BLMH: variants seen among roughly 807,000 people sequenced by gnomAD.
BLMH encodes BLM hydrolase.
In BLMH, 32 loss-of-function variants were observed where a neutral mutation model predicts 61.6. The observed-to-expected ratio is 0.52, with a 90% CI of 0.39 to 0.70. The LOEUF is 0.70. Ranked by LOEUF, BLMH falls within the 30% of genes least tolerant of loss-of-function variation. The pLI, the probability that BLMH is intolerant of heterozygous loss-of-function variation, is 0.00. For missense variants in BLMH, 460 were observed against 555.5 expected, an observed-to-expected ratio of 0.83 and a Z score of 1.73; for synonymous variants, 183 against 193.8, an observed-to-expected ratio of 0.94 and a Z score of 0.46.
chr17:30,287,873 C>T lies in BLMH; in HGVS notation c.396G>A (p.Leu132=). 1 of 1,614,088 alleles carries T rather than the reference C, an allele frequency of 6.2e-7. No homozygotes were observed. Among genetic ancestry groups the T allele is most frequent in the Non-Finnish European group, 8.5e-7 (1 of 1,179,972 alleles). ...CAGGGTTCATAAGCAAAAACTGCACCAGCCTCCCATCCTCAGGCTCCTTTC... is the reference window on the plus strand; with the variant it reads ...CAGGGTTCATAAGCAAAAACTGCACTAGCCTCCCATCCTCAGGCTCCTTTC... ...AQRKEPEDGR[L]VQFLLMNPAN... The change falls in exon 4 of 12, where the codon CTG becomes CTA. Residue 132 remains leucine, a synonymous_variant. Coordinates refer to ENST00000261714, the MANE Select transcript of BLMH (RefSeq NM_000386.4).
At position 30,266,933 on chromosome 17, in the gene BLMH, T is replaced by G; in HGVS notation, c.1168A>C (p.Thr390Pro). The stretch of plus-strand genomic sequence containing the variant: ...CATGAATTCTCCACTCTCCATTTTG[T>G]GAAAGCACCATCCTGATCATCCTGC... ...SEKDDQDGAF[T>P]KWRVENSWGE... Residue 390 changes from threonine to proline, a missense_variant, in exon 11 of 12, where the codon ACA becomes CCA. Transcript: ENST00000261714. 6.2e-7 allele frequency: 1 copy of G among 1,614,106 alleles called. No homozygotes were observed. Among genetic ancestry groups the G allele is most frequent in the South Asian group, 1.1e-5 (1 of 91,086 alleles).
chr17:30,289,834 G>A (rs1358795535), intron 2 of BLMH, among the ~76,000 whole-genome samples: 1 of 152,236 alleles, frequency 6.6e-6, no homozygotes, highest in East Asian at 1.9e-4. Context: ...TCTCTTTTCT[G>A]AGGGAAAATT....
At chr17:30,252,390 C>G (rs752504358) in intron 11 of BLMH, among the ~76,000 whole-genome samples, 3 of 151,952 alleles carry the variant, frequency 2.0e-5, no homozygotes, top group Admixed American at 6.6e-5. Context: ...GCATAGCATA[C>G]GTTTACCCTC....
At chr17:30,285,827 T>C (rs1908711459) in intron 5 of BLMH, among the ~76,000 whole-genome samples, 1 of 152,230 alleles carries the variant, frequency 6.6e-6, no homozygotes, top group Admixed American at 6.5e-5. Flanking sequence ...ATTATGCCAC[T>C]ATGTTACTCT....
Position 30,286,676 on chromosome 17 carries a change from A to G in BLMH, c.552+138T>C, listed in dbSNP as rs1597667900. ...ATTTTTAAAGTTATTAAGTAGCTACATTGCTTTTGACAGACATTGACATTG... is the reference window on the plus strand; with the variant it reads ...ATTTTTAAAGTTATTAAGTAGCTACGTTGCTTTTGACAGACATTGACATTG... On this transcript the variant is annotated intron_variant, in intron 5 of 11. Transcript: ENST00000261714. The G allele has an allele frequency of 1.2e-5, 7 of 581,850 alleles. No individual in the cohort carries two copies. The East Asian group carries it at 2.3e-4, about 19-fold the overall frequency. 36.0% of individuals were successfully genotyped at this position (581,850 alleles called of 1,614,324 possible).
chr17:30,281,011 G>A (rs1038533805), intron 6 of BLMH, among the ~76,000 whole-genome samples: 1 of 151,520 alleles, frequency 6.6e-6, no homozygotes, highest in African/African-American at 2.4e-5. Flanking sequence ...GAAGAGAAGG[G>A]AAGACAGCTG....
chr17:30,280,937 T>C (rs981541157), intron 6 of BLMH, among the ~76,000 whole-genome samples: 2 of 152,260 alleles, frequency 1.3e-5, no homozygotes, highest in East Asian at 3.9e-4. Flanking sequence ...GAGCTAGTTA[T>C]AGGAGAGAAG....
rs561532266 is a variant in BLMH at position 30,265,483 on chromosome 17, A to G, written c.1216+1402T>C. On this transcript the variant is annotated intron_variant, in intron 11 of 11. Transcript: ENST00000261714. ...CTGTGAGGAACATAGCTGGAAAATC[A>G]CGATTCTAAACACAGAGAGGGGCAA... Among the ~76,000 whole-genome samples, 13 of 152,330 alleles carry G rather than the reference A, an allele frequency of 8.5e-5. No homozygotes were observed. The East Asian group carries it at 1.9e-3, about 23-fold the overall frequency.
intron 6 of BLMH, among the ~76,000 whole-genome samples, chr17:30,279,503 T>A (rs1273128693): frequency 6.6e-6 from 1 of 152,194 alleles, no homozygotes; most frequent in East Asian, 1.9e-4. Flanking sequence ...AACCTATAAC[T>A]AGAAAAACTG....
intron 6 of BLMH, among the ~76,000 whole-genome samples, chr17:30,281,833 T>C (rs962979917): frequency 1.3e-5 from 2 of 152,316 alleles, no homozygotes. Flanking sequence ...ATAAACTTGA[T>C]GTTAAAAATA....
Position 30,249,100 on chromosome 17 carries a change from C to T in BLMH, c.1285G>A (p.Val429Ile), listed in dbSNP as rs1041434088. 1.2e-6 allele frequency: 2 copies of T among 1,614,138 alleles called. No individual in the cohort carries two copies. The highest frequency in any genetic ancestry group is 1.7e-6 in the Non-Finnish European group (2 of 1,179,972). The change falls in exon 12 of 12, where the codon GTC (valine) becomes ATC (isoleucine). Residue 429 changes from valine (V) to isoleucine (I), a missense_variant. By Grantham distance (29) the Val-to-Ile change is conservative. Transcript: ENST00000261714. ...AACACAGCTAGCACCTCTTCAGGGACATGCTTCCTGTCCACCACCACTTCG... is the reference window on the plus strand; with the variant it reads ...AACACAGCTAGCACCTCTTCAGGGATATGCTTCCTGTCCACCACCACTTCG... ...VYEVVVDRKH[V>I]PEEVLAVLEQ...
intron 10 of BLMH, among the ~76,000 whole-genome samples, chr17:30,268,756 G>T (rs552762275): frequency 4.5e-4 from 68 of 151,714 alleles, no homozygotes; most frequent in African/African-American, 1.5e-3. Context: ...CAAATTCTCG[G>T]CTGGGCACAG....
chr17:30,253,263 C>T (rs967469376), intron 11 of BLMH, among the ~76,000 whole-genome samples: 1 of 151,940 alleles, frequency 6.6e-6, no homozygotes, highest in African/African-American at 2.4e-5. Context: ...AGAAGATGGA[C>T]AATAAGTACA....
intron 2 of BLMH, among the ~76,000 whole-genome samples, chr17:30,290,654 G>T (rs1334018949): frequency 6.6e-6 from 1 of 152,098 alleles, no homozygotes; most frequent in Non-Finnish European, 1.5e-5. Flanking sequence ...GTACAATTTT[G>T]TTGTGAGAAT....
chr17:30,252,499 C>T (rs1205508133), intron 11 of BLMH, among the ~76,000 whole-genome samples: 1 of 140,800 alleles, frequency 7.1e-6, no homozygotes. Context: ...TTGTTCAAGA[C>T]CAGCCTGGGC....
rs1199062616 is a variant in BLMH at position 30,291,411 on chromosome 17, C to T, written c.111G>A (p.Leu37=). The T allele has an allele frequency of 6.2e-7, 1 of 1,614,196 alleles. No homozygotes were observed. The highest frequency in any genetic ancestry group is 1.1e-5 in the South Asian group (1 of 91,080). Residue 37 remains leucine, a synonymous_variant, in exon 2 of 12, where the codon CTG becomes CTA. Transcript: ENST00000261714. ...CCGTGGCCCGCTTCAGACAGATGTC[C>T]AGCAGGTCGTGGGTGGTCCCGACAT... ...AQNVGTTHDL[L]DICLKRATVQ...
chr17:30,289,367 C>T lies in BLMH; in HGVS notation c.321+6G>A. On this transcript the variant is annotated splice_donor_region_variant and intron_variant, in intron 3 of 11. Transcript: ENST00000261714. ...CAAAAAGAATCTTGCCAGATCTGTC[C>T]CATACCTTGTCCCAAAAAAACAGGT... 1 of 1,569,558 alleles carries T rather than the reference C, an allele frequency of 6.4e-7. No homozygotes were observed. Among genetic ancestry groups the T allele is most frequent in the Non-Finnish European group, 8.8e-7 (1 of 1,141,850 alleles).
chr17:30,266,930 T>C lies in BLMH; in HGVS notation c.1171A>G (p.Lys391Glu), dbSNP rs568018638. 2.3e-5 allele frequency: 37 copies of C among 1,614,106 alleles called. No homozygotes were observed. The highest frequency in any genetic ancestry group is 3.1e-5 in the Non-Finnish European group (36 of 1,179,972). Reference protein sequence around the residue: ...EKDDQDGAFTKWRVENSWGED... With the variant: ...EKDDQDGAFTEWRVENSWGED... ...CCCCATGAATTCTCCACTCTCCATT[T>C]TGTGAAAGCACCATCCTGATCATCC... Residue 391 changes from lysine (K) to glutamate (E), a missense_variant, in exon 11 of 12, where the codon AAA becomes GAA. Physicochemically the swap from Lys to Glu is moderately conservative, Grantham distance 56 (BLOSUM62 1). Coordinates refer to ENST00000261714, the MANE Select transcript of BLMH (RefSeq NM_000386.4).
intron 11 of BLMH, among the ~76,000 whole-genome samples, chr17:30,266,075 G>T (rs1908096453): frequency 6.6e-6 from 1 of 152,086 alleles, no homozygotes; most frequent in African/African-American, 2.4e-5. Flanking sequence ...TGATTTGCCA[G>T]TATAAAGAAG....
Sources: allele counts gnomAD v4.1 joint callset (sites outside exome capture counted in the v4.1 genomes callset), GRCh38; gene constraint gnomAD v4.1.1; transcripts MANE v1.5; gene names NCBI Gene and HGNC (gene_info 2026-07-23, HGNC 2026-07-21).